SPOCK3: variants seen among roughly 807,000 people sequenced by gnomAD.
The protein encoded by SPOCK3 is SPARC (osteonectin), cwcv and kazal like domains proteoglycan 3, also known as testican-3.
SPOCK3 carries 30 observed loss-of-function variants against 56.6 expected under a neutral mutation model. The ratio of observed to expected loss-of-function variants is 0.53; its 90% CI spans 0.40 to 0.72. The LOEUF (loss-of-function observed/expected upper bound fraction) is 0.72, where lower values mean the gene tolerates loss of function less well. Among genes scored for constraint, SPOCK3 ranks in the 30% least tolerant of loss-of-function variants. The probability of loss-of-function intolerance (pLI) is 0.00; values close to 1 mark genes in which losing one functional copy is unlikely to be tolerated. For missense variants in SPOCK3, 527 were observed against 530.0 expected (o/e 0.99, Z 0.06); for synonymous variants, 196 against 183.3 (o/e 1.07, Z -0.56).
At chr4:167,105,725 A>G (rs982203862) in intron 2 of SPOCK3, among the ~76,000 whole-genome samples, 3 of 151,956 alleles carry the variant, frequency 2.0e-5, no homozygotes, top group East Asian at 1.9e-4. Flanking sequence ...AAAAGACCCA[A>G]TGATCTGTTG....
intron 2 of SPOCK3, among the ~76,000 whole-genome samples, chr4:167,205,284 A>C (rs1486732436): frequency 7.8e-5 from 4 of 51,092 alleles, no homozygotes; most frequent in Non-Finnish European, 1.5e-4. Flanking sequence ...TATATTATAT[A>C]TATTTTATAT....
In SPOCK3 at chr4:166,889,276, A is replaced by T. The variant is rs532870563; in HGVS notation, c.475-32T>A. ...AAAAAGAGAAAAAAAAAGTAATTCA[A>T]ATGCTTTAGTTATATCAGTAAAACT... is the stretch of plus-strand genomic sequence containing the variant. On this transcript the variant is annotated intron_variant, in intron 5 of 10. Coordinates refer to ENST00000357545, the MANE Select transcript of SPOCK3 (RefSeq NM_001040159.2). 2.2e-6 allele frequency: 3 copies of T among 1,364,476 alleles called. No individual in the cohort carries two copies. In the East Asian group the frequency reaches 6.9e-5, roughly 31 times the overall value. 84.5% of individuals were successfully genotyped at this position (1,364,476 alleles called of 1,614,324 possible).
intron 5 of SPOCK3, 28 bp from the exon 6 acceptor site, chr4:166,889,272 T>C (rs751478457): frequency 5.8e-6 from 8 of 1,376,868 alleles, no homozygotes; most frequent in South Asian, 1.2e-5. Context: ...AAAAAAGTAA[T>C]TCAAATGCTT....
chr4:166,782,295 A>G (rs1740267606), intron 7 of SPOCK3, among the ~76,000 whole-genome samples: 1 of 152,214 alleles, frequency 6.6e-6, no homozygotes, highest in Non-Finnish European at 1.5e-5. Context: ...CCCTAAATGT[A>G]TAATGTATCT....
At chr4:166,934,361 G>A (rs1740140796) in intron 4 of SPOCK3, among the ~76,000 whole-genome samples, 1 of 151,470 alleles carries the variant, frequency 6.6e-6, no homozygotes, top group African/African-American at 2.4e-5. Context: ...CGTCAGGTGT[G>A]GTGGGGGGCA....
intron 3 of SPOCK3, among the ~76,000 whole-genome samples, chr4:167,006,071 G>A (rs1241470696): frequency 6.6e-6 from 1 of 152,002 alleles, no homozygotes. Context: ...TTCAATTATT[G>A]CAATTTATTC....
chr4:167,199,225 T>TTGTGTGTGTGTGTGTGTG (rs58765976), intron 2 of SPOCK3, among the ~76,000 whole-genome samples: 1 of 141,976 alleles, frequency 7.0e-6, no homozygotes, highest in Non-Finnish European at 1.6e-5. Flanking sequence ...AAATATTTGT[T>TTGTGTGTGTGTGTGTGTG]TGTGTGTGTG....
At chr4:167,009,854 T>A (rs907031342) in intron 3 of SPOCK3, among the ~76,000 whole-genome samples, 11 of 151,676 alleles carry the variant, frequency 7.3e-5, no homozygotes, top group African/African-American at 2.7e-4. Context: ...AAATATTTGA[T>A]TAAAGATATA....
intron 2 of SPOCK3, among the ~76,000 whole-genome samples, chr4:167,153,990 C>G (rs570079284): frequency 1.6e-4 from 25 of 152,282 alleles, no homozygotes; most frequent in African/African-American, 5.5e-4. Context: ...ACTCTCATTT[C>G]TGCCTCAAGC....
intron 2 of SPOCK3, among the ~76,000 whole-genome samples, chr4:167,230,803 A>G (rs1279259535): frequency 1.3e-5 from 2 of 152,114 alleles, no homozygotes; most frequent in Admixed American, 6.5e-5. Context: ...CTATAACATT[A>G]AGCATCGTAC....
At chr4:167,104,477 A>G (rs1759924164) in intron 2 of SPOCK3, among the ~76,000 whole-genome samples, 2 of 152,152 alleles carry the variant, frequency 1.3e-5, no homozygotes, top group Non-Finnish European at 2.9e-5. Flanking sequence ...CAGTAACAGA[A>G]CTGAGCAAGG....
At chr4:166,797,233 C>CTTTTTT (rs1028695610) in intron 6 of SPOCK3, among the ~76,000 whole-genome samples, 30 of 80,720 alleles carry the variant, frequency 3.7e-4, no homozygotes, top group Middle Eastern at 9.6e-3. Context: ...TTCCACCTTT[C>CTTTTTT]TTTTTTTTTT....
intron 4 of SPOCK3, among the ~76,000 whole-genome samples, chr4:166,969,051 C>T (rs75716170): frequency 0.11 from 16,513 of 152,230 alleles, 1,128 homozygotes; most frequent in Middle Eastern, 0.23. Context: ...TTCAAACTTG[C>T]ATGGGGTCTG....
At chr4:167,000,270 T>C (rs2150127327) in intron 4 of SPOCK3, 79 bp downstream of exon 4, 1 of 641,444 alleles carries the variant, frequency 1.6e-6, no homozygotes, top group Non-Finnish European at 2.7e-6. Context: ...TAGCAGGCAC[T>C]GCCAAATATT....
At chr4:166,910,503 C>T (rs989680248) in intron 5 of SPOCK3, among the ~76,000 whole-genome samples, 3 of 152,094 alleles carry the variant, frequency 2.0e-5, no homozygotes, top group Non-Finnish European at 2.9e-5. Context: ...AATTAATCTA[C>T]GTATAATACG....
chr4:166,790,882 T>C (rs936181399), intron 7 of SPOCK3, among the ~76,000 whole-genome samples: 9 of 152,208 alleles, frequency 5.9e-5, no homozygotes, highest in African/African-American at 4.8e-5. Flanking sequence ...AAAATCAATA[T>C]GTAAGGGTAT....
intron 3 of SPOCK3, among the ~76,000 whole-genome samples, chr4:167,027,699 G>A (rs955112056): frequency 3.3e-5 from 5 of 151,994 alleles, no homozygotes; most frequent in Non-Finnish European, 7.4e-5. Flanking sequence ...AGAGAAAAAT[G>A]TTATTAAGAA....
At chr4:167,180,725 T>A (rs1276290424) in intron 2 of SPOCK3, among the ~76,000 whole-genome samples, 1 of 151,942 alleles carries the variant, frequency 6.6e-6, no homozygotes, top group African/African-American at 2.4e-5. Flanking sequence ...TGACTATGAG[T>A]CCAATAATCC....
At chr4:167,138,707 T>C (rs1763304288) in intron 2 of SPOCK3, among the ~76,000 whole-genome samples, 1 of 151,258 alleles carries the variant, frequency 6.6e-6, no homozygotes, top group African/African-American at 2.4e-5. Flanking sequence ...TAAGAAAGAG[T>C]TGTCTTAAGA....
Sources: allele counts gnomAD v4.1 joint callset (sites outside exome capture counted in the v4.1 genomes callset), GRCh38; gene constraint gnomAD v4.1.1; transcripts MANE v1.5; gene names NCBI Gene and HGNC (gene_info 2026-07-23, HGNC 2026-07-21).